NRIP1: variants seen among roughly 807,000 people sequenced by gnomAD.
The protein encoded by NRIP1 is nuclear receptor-interacting protein 1.
Under a neutral mutation model 75.0 loss-of-function variants are expected in NRIP1, and 28 were observed. The observed-to-expected ratio is 0.37, with a 90% confidence interval of 0.28 to 0.51. The LOEUF is 0.51. NRIP1 is among the 20% of genes least tolerant of loss of function. NRIP1 has a pLI of 0.92. For synonymous variants in NRIP1, 526 were observed against 487.6 expected (o/e 1.08, Z -1.04); for missense variants, 1,435 against 1,343.7 (o/e 1.07, Z -1.06).
intron 3 of NRIP1, chr21:14,991,273 C>T (rs1383268898): frequency 6.7e-6 from 1 of 149,982 alleles, no homozygotes; most frequent in African/African-American, 2.5e-5. Context: ...TGCTCTGAAT[C>T]TGTCCATGCA....
intron 2 of NRIP1, among the ~76,000 whole-genome samples, chr21:15,041,427 A>G (rs2088952127): frequency 6.6e-6 from 1 of 152,180 alleles, no homozygotes; most frequent in South Asian, 2.1e-4. Context: ...CAATCAAGCT[A>G]GCAAATAAGG....
intron 3 of NRIP1, chr21:14,992,792 G>A (rs2087610415): frequency 6.6e-6 from 1 of 152,184 alleles, no homozygotes; most frequent in Non-Finnish European, 1.5e-5. Context: ...ACATTATGAA[G>A]TAGAACTGGC....
chr21:15,029,255 G>T (rs1256955297), intron 2 of NRIP1, among the ~76,000 whole-genome samples: 2 of 152,068 alleles, frequency 1.3e-5, no homozygotes, highest in Non-Finnish European at 2.9e-5. Flanking sequence ...CTTTCTAGGG[G>T]CTTCCCCCTC....
At chr21:14,978,921 C>T (rs1269646991) in intron 3 of NRIP1, among the ~76,000 whole-genome samples, 5 of 147,760 alleles carry the variant, frequency 3.4e-5, no homozygotes, top group African/African-American at 1.2e-4. Flanking sequence ...TTTCTGGATG[C>T]TGTACTTCAC....
chr21:14,994,052 C>T (rs2087647044), intron 3 of NRIP1, among the ~76,000 whole-genome samples: 6 of 152,010 alleles, frequency 3.9e-5, no homozygotes. Context: ...TGCTTAGTCA[C>T]AATAAGCGTA....
At chr21:14,978,086 AACTTGCTC>A (rs1600822176) in intron 3 of NRIP1, among the ~76,000 whole-genome samples, 1 of 152,194 alleles carries the variant, frequency 6.6e-6, no homozygotes, top group East Asian at 1.9e-4. Context: ...CATTGGCTTT[AACTTGCTC>A]GTCAGCTGCT....
chr21:15,034,434 A>G (rs1359729345), intron 2 of NRIP1, among the ~76,000 whole-genome samples: 2 of 152,216 alleles, frequency 1.3e-5, no homozygotes, highest in Non-Finnish European at 2.9e-5. Flanking sequence ...CAGCCATACT[A>G]TGAAACGAAA....
Position 14,968,000 on chromosome 21 carries a change from C to G in NRIP1, c.193G>C (p.Gly65Arg). ...GSAFPTCQSN[G>R]PVLNTHTYQG... is the part of the protein sequence containing the mutation. ...TATGTATGTGTATTGAGAACTGGAC[C>G]ATTACTTTGACAGGTGGGAAATGCA... is the stretch of plus-strand genomic sequence containing the variant. The change falls in exon 4 of 4, where the codon GGT becomes CGT. Residue 65 changes from glycine (G) to arginine (R), a missense_variant. Physicochemically the swap from Gly to Arg is moderately radical, Grantham distance 125. Transcript: ENST00000318948. 1 of 1,614,004 alleles carries G rather than the reference C, an allele frequency of 6.2e-7. No homozygotes were observed. The highest frequency in any genetic ancestry group is 8.5e-7 in the Non-Finnish European group (1 of 1,179,994).
At position 14,966,391 on chromosome 21, in the gene NRIP1, T is replaced by C; in HGVS notation, c.1802A>G (p.Asp601Gly). ...LTNTASNHSM[D>G]LTKSKDPPGE... ...TGGTGGGTCTTTGCTTTTTGTAAGGTCCATTGAGTGGTTAGATGCAGTATT... is the reference window on the plus strand; with the variant it reads ...TGGTGGGTCTTTGCTTTTTGTAAGGCCCATTGAGTGGTTAGATGCAGTATT... Residue 601 changes from aspartate (D) to glycine (G), a missense_variant, in exon 4 of 4, where the codon GAC (aspartate) becomes GGC (glycine). By Grantham distance (94) the Asp-to-Gly change is moderately conservative (BLOSUM62 -1). Transcript: ENST00000318948. 6.2e-7 allele frequency: 1 copy of C among 1,614,076 alleles called. No individual in the cohort carries two copies. Among genetic ancestry groups the C allele is most frequent in the South Asian group, 1.1e-5 (1 of 91,080 alleles).
chr21:15,038,761 C>T (rs970621893), intron 2 of NRIP1, among the ~76,000 whole-genome samples: 1 of 151,820 alleles, frequency 6.6e-6, no homozygotes, highest in Non-Finnish European at 1.5e-5. Flanking sequence ...CCCCAGAAAA[C>T]CTATAAAGGC....
intron 1 of NRIP1, among the ~76,000 whole-genome samples, chr21:15,047,495 G>A (rs534073132): frequency 1.2e-3 from 183 of 152,300 alleles, no homozygotes; most frequent in African/African-American, 3.9e-3. Context: ...AGCTGAGACC[G>A]CGCCACTGCA....
chr21:15,018,543 A>C (rs2088290447), intron 2 of NRIP1, among the ~76,000 whole-genome samples: 1 of 152,246 alleles, frequency 6.6e-6, no homozygotes, highest in Admixed American at 6.5e-5. Context: ...TAAAAGAAAT[A>C]GTGTATGCAA....
At position 14,965,245 on chromosome 21, in the gene NRIP1, C is replaced by G. The variant is rs1462089265; in HGVS notation, c.2948G>C (p.Gly983Ala). The part of the protein sequence containing the change: ...KPEFSISSLN[G>A]LMYSSTQPSS... Reference sequence around the variant, plus strand: ...GGGCTGAGTGGAACTGTACATCAGTCCATTTAAAGAAGAAATGCTAAATTC... The same window carrying G: ...GGGCTGAGTGGAACTGTACATCAGTGCATTTAAAGAAGAAATGCTAAATTC... Residue 983 changes from glycine (G) to alanine (A), a missense_variant, in exon 4 of 4, where the codon GGA becomes GCA. Transcript: ENST00000318948. The G allele has an allele frequency of 3.1e-6, 5 of 1,613,816 alleles. No individual in the cohort carries two copies. Among genetic ancestry groups the G allele is most frequent in the Admixed American group, 3.3e-5 (2 of 59,954 alleles).
At chr21:14,984,665 C>T (rs1485903676) in intron 3 of NRIP1, among the ~76,000 whole-genome samples, 1 of 152,162 alleles carries the variant, frequency 6.6e-6, no homozygotes, top group East Asian at 1.9e-4. Flanking sequence ...AAAATGCTAT[C>T]ATCAAACAGC....
At chr21:14,974,647 GA>G (rs1176548459) in intron 3 of NRIP1, among the ~76,000 whole-genome samples, 1 of 152,134 alleles carries the variant, frequency 6.6e-6, no homozygotes. Context: ...ACCCTTTGAA[GA>G]AAACAGAGCC....
At chr21:14,994,370 C>G (rs1050318037) in intron 3 of NRIP1, among the ~76,000 whole-genome samples, 2 of 152,208 alleles carry the variant, frequency 1.3e-5, no homozygotes, top group African/African-American at 2.4e-5. Flanking sequence ...AGTGATCCGC[C>G]TACCTCAGCC....
rs539541715 is a variant in NRIP1, at chr21:15,053,715, T to G, written c.-537-10141A>C. ...TGTGCTCATTTTTCTGCCCTTTTAC[T>G]TCATATATTAGTCCATTAGCTTGTT... On this transcript the variant is annotated intron_variant, in intron 1 of 3. Transcript: ENST00000318948. Among the ~76,000 whole-genome samples, 3 of 152,332 alleles carry G rather than the reference T, an allele frequency of 2.0e-5. No homozygotes were observed. The South Asian group carries it at 6.2e-4, about 32-fold the overall frequency.
chr21:14,974,873 T>C (rs1470026562), intron 3 of NRIP1, among the ~76,000 whole-genome samples: 1 of 152,138 alleles, frequency 6.6e-6, no homozygotes, highest in East Asian at 1.9e-4. Flanking sequence ...TTTCAGAGGC[T>C]GAGGCAGGAT....
intron 1 of NRIP1, among the ~76,000 whole-genome samples, chr21:15,060,468 T>C (rs891332661): frequency 2.0e-5 from 3 of 152,122 alleles, no homozygotes; most frequent in African/African-American, 7.2e-5. Context: ...TTATCAGAGA[T>C]CCTATAAAAG....
Sources: allele counts gnomAD v4.1 joint callset (sites outside exome capture counted in the v4.1 genomes callset), GRCh38; gene constraint gnomAD v4.1.1; transcripts MANE v1.5; gene names NCBI Gene and HGNC (gene_info 2026-07-23, HGNC 2026-07-21).